TMEM9: variants seen among roughly 807,000 people sequenced by gnomAD.
The protein encoded by TMEM9 is proton-transporting V-type ATPase complex assembly regulator TMEM9.
A neutral mutation model predicts 22.8 loss-of-function variants in TMEM9; 13 were observed. That is an observed-to-expected ratio of 0.57 (90% CI 0.37 to 0.91). TMEM9 has a LOEUF of 0.91. TMEM9 is among the 40% of genes least tolerant of loss of function. The pLI, the probability that TMEM9 is intolerant of heterozygous loss-of-function variation, is 0.01. For synonymous variants in TMEM9, 88 were observed against 93.0 expected (o/e 0.95, Z 0.31); for missense variants, 182 against 238.1 (o/e 0.76, Z 1.55).
rs924241608 is a variant in TMEM9 at position 201,148,853 on chromosome 1, G to A, written c.159-2005C>T. On this transcript the variant is annotated intron_variant, in intron 2 of 4. Transcript: ENST00000367330. ...TGAGCAGGTCTCCCCTGTTGTAACC[G>A]GAAGTACTGCTTTCAGGCCTTGCAT... Among the ~76,000 whole-genome samples the A allele has an allele frequency of 3.9e-5, 6 of 152,318 alleles. No individual in the cohort carries two copies. The South Asian group carries it at 8.3e-4, about 21-fold the overall frequency.
chr1:201,150,558 C>T (rs555264971), intron 2 of TMEM9, among the ~76,000 whole-genome samples: 21 of 152,290 alleles, frequency 1.4e-4, no homozygotes, highest in African/African-American at 4.6e-4. Context: ...ATTTGTCACA[C>T]AATTAACAAG....
At chr1:201,138,920 A>G (rs1053913453) in intron 4 of TMEM9, among the ~76,000 whole-genome samples, 4 of 152,228 alleles carry the variant, frequency 2.6e-5, no homozygotes, top group African/African-American at 9.6e-5. Flanking sequence ...CAGCATGGAC[A>G]ACCAAAGAGA....
chr1:201,137,778 C>A (rs567527584), intron 4 of TMEM9, among the ~76,000 whole-genome samples: 44 of 152,310 alleles, frequency 2.9e-4, no homozygotes, highest in Middle Eastern at 3.4e-3. Context: ...TCCCTAGGAG[C>A]GATGACTAAT....
intron 1 of TMEM9, among the ~76,000 whole-genome samples, chr1:201,162,196 C>G (rs1044496666): frequency 1.3e-5 from 2 of 148,850 alleles, no homozygotes; most frequent in African/African-American, 5.0e-5. Flanking sequence ...TTTCCTGAGA[C>G]AGGGTCTCTG....
intron 4 of TMEM9, among the ~76,000 whole-genome samples, chr1:201,142,603 T>C (rs1384928904): frequency 2.0e-5 from 3 of 152,256 alleles, no homozygotes; most frequent in African/African-American, 7.2e-5. Context: ...CTTCAACTAA[T>C]TCTCTGAGGC....
chr1:201,151,146 TCTC>T (rs1665400219), intron 2 of TMEM9, among the ~76,000 whole-genome samples: 1 of 152,160 alleles, frequency 6.6e-6, no homozygotes, highest in Non-Finnish European at 1.5e-5. Context: ...CCCCAAGTCC[TCTC>T]CTCTTTAGGC....
At chr1:201,143,610 G>A (rs1312206921) in intron 4 of TMEM9, among the ~76,000 whole-genome samples, 1 of 152,240 alleles carries the variant, frequency 6.6e-6, no homozygotes, top group Non-Finnish European at 1.5e-5. Context: ...CTTGTACATG[G>A]AGACTGCTTG....
intron 1 of TMEM9, among the ~76,000 whole-genome samples, chr1:201,167,440 C>T (rs930261386): frequency 1.3e-5 from 2 of 152,070 alleles, no homozygotes; most frequent in Non-Finnish European, 2.9e-5. Context: ...GGGCGGCTGG[C>T]GAGTCCAGGT....
At chr1:201,137,511 CACACAG>C (rs1490756362) in intron 4 of TMEM9, among the ~76,000 whole-genome samples, 2 of 126,146 alleles carry the variant, frequency 1.6e-5, no homozygotes, top group Non-Finnish European at 3.4e-5. Context: ...CACACACACA[CACACAG>C]AGTGAAAAGA....
intron 1 of TMEM9, among the ~76,000 whole-genome samples, chr1:201,152,706 A>AT (rs1558116286): frequency 6.6e-6 from 1 of 152,216 alleles, no homozygotes; most frequent in East Asian, 1.9e-4. Context: ...TAGTACTAGC[A>AT]CCCCTAAAAC....
chr1:201,168,997 C>A (rs1161961029), intron 1 of TMEM9, among the ~76,000 whole-genome samples: 2 of 132,524 alleles, frequency 1.5e-5, no homozygotes, highest in Non-Finnish European at 3.1e-5. Context: ...GAGATGGGGT[C>A]TCACTACGTT....
chr1:201,160,752 C>T (rs1665922362), intron 1 of TMEM9, among the ~76,000 whole-genome samples: 1 of 151,958 alleles, frequency 6.6e-6, no homozygotes, highest in East Asian at 1.9e-4. Context: ...CTGGCTAACA[C>T]GGTGAAACCC....
At chr1:201,158,063 T>C (rs992370287), upstream of TMEM9, among the ~76,000 whole-genome samples, 1 of 152,120 alleles carries the variant, frequency 6.6e-6, no homozygotes, top group Non-Finnish European at 1.5e-5. Context: ...TGGCTGTGGT[T>C]AGAGAAGGAG....
intron 4 of TMEM9, among the ~76,000 whole-genome samples, chr1:201,137,227 C>T (rs1329840436): frequency 1.3e-5 from 2 of 151,592 alleles, no homozygotes; most frequent in East Asian, 3.9e-4. Context: ...CCCCTGGGTT[C>T]TGTTCCTGGG....
chr1:201,136,949 G>T (rs143296173), intron 4 of TMEM9, among the ~76,000 whole-genome samples: 76 of 152,372 alleles, frequency 5.0e-4, no homozygotes, highest in African/African-American at 1.8e-3. Context: ...GCGAAGGGGG[G>T]TGGTGAGGTG....
rs147736242 is a variant in TMEM9, at chr1:201,153,891, C to T, written c.33G>A (p.Gly11=). 4.7e-3 allele frequency: 7,557 copies of T among 1,613,952 alleles called. 247 individuals carry two copies. In the South Asian group the frequency reaches 0.055, roughly 12 times the overall value. Residue 11 remains glycine, a synonymous_variant, in exon 1 of 5, where the codon GGG becomes GGA. Coordinates refer to ENST00000367330, the MANE Select transcript of TMEM9 (RefSeq NM_001288565.2). The part of the protein sequence containing the change: MKLLSLVAVV[G]CLLVPPAEAN... ...CTTCAGCTGGGGGCACCAGCAAACA[C>T]CCGACCACAGCCACCAAAGATAAGA...
intron 1 of TMEM9, among the ~76,000 whole-genome samples, chr1:201,162,419 G>A (rs1048908885): frequency 1.1e-4 from 16 of 151,942 alleles, no homozygotes; most frequent in African/African-American, 3.9e-4. Context: ...TTCCAGGCAT[G>A]AGCCACTGTG....
At chr1:201,136,335 C>T (rs887342930) in intron 4 of TMEM9, among the ~76,000 whole-genome samples, 10 of 152,164 alleles carry the variant, frequency 6.6e-5, no homozygotes, top group Admixed American at 2.6e-4. Context: ...CACGCCATTG[C>T]CCAGGGGACA....
At chr1:201,160,853 G>T (rs530356471) in intron 1 of TMEM9, among the ~76,000 whole-genome samples, 1 of 151,106 alleles carries the variant, frequency 6.6e-6, no homozygotes, top group East Asian at 2.0e-4. Flanking sequence ...GGAGAATGGC[G>T]TGAACCCGGG....
Sources: allele counts gnomAD v4.1 joint callset (sites outside exome capture counted in the v4.1 genomes callset), GRCh38; gene constraint gnomAD v4.1.1; transcripts MANE v1.5; gene names NCBI Gene and HGNC (gene_info 2026-07-23, HGNC 2026-07-21).